Variants in GLRA3 observed in about 807,000 individuals in gnomAD.
GLRA3 encodes glycine receptor alpha 3, also known as glycine receptor subunit alpha-3.
Under a neutral mutation model 60.4 loss-of-function variants are expected in GLRA3, and 44 were observed. The observed-to-expected ratio is 0.73, with a 90% CI of 0.57 to 0.94. The LOEUF (loss-of-function observed/expected upper bound fraction) is 0.94. GLRA3 is among the 40% of genes least tolerant of loss of function. The probability of loss-of-function intolerance (pLI) is 0.00; values close to 1 mark genes in which losing one functional copy is unlikely to be tolerated. For missense variants in GLRA3, 508 were observed against 564.6 expected (o/e 0.90, Z 1.02); for synonymous variants, 223 against 192.9 (o/e 1.16, Z -1.29).
intron 2 of GLRA3, among the ~76,000 whole-genome samples, chr4:174,770,934 G>T (rs1280273718): frequency 6.6e-6 from 1 of 151,916 alleles, no homozygotes; most frequent in African/African-American, 2.4e-5. Context: ...CCTTTGTAGG[G>T]ACATGGATGA....
intron 1 of GLRA3, among the ~76,000 whole-genome samples, chr4:174,798,396 A>C (rs896479707): frequency 5.9e-5 from 9 of 152,252 alleles, no homozygotes; most frequent in Non-Finnish European, 1.0e-4. Flanking sequence ...TTGAAAAATA[A>C]GATACAGAAT....
intron 5 of GLRA3, among the ~76,000 whole-genome samples, chr4:174,688,138 T>G (rs1216230918): frequency 6.6e-6 from 1 of 151,490 alleles, no homozygotes; most frequent in African/African-American, 2.4e-5. Flanking sequence ...AAAGGAAAAT[T>G]TCAAAGTTTT....
At chr4:174,780,803 C>G (rs965849910) in intron 2 of GLRA3, among the ~76,000 whole-genome samples, 3 of 152,036 alleles carry the variant, frequency 2.0e-5, no homozygotes, top group African/African-American at 4.8e-5. Flanking sequence ...GGAGCACCCA[C>G]ATTCATAAAG....
At chr4:174,769,178 G>C (rs1048814915) in intron 2 of GLRA3, among the ~76,000 whole-genome samples, 4 of 151,598 alleles carry the variant, frequency 2.6e-5, no homozygotes, top group African/African-American at 9.7e-5. Context: ...TTTTCTTTTA[G>C]ACACATCTTC....
chr4:174,828,894 C>T lies in GLRA3; in HGVS notation c.-83G>A. ...GAAAGACAGAATGAAAATGTACAAT[C>T]TAACCCCGCATGGTGTTGGTGTAGA... On this transcript the variant is annotated 5_prime_UTR_variant, in exon 1 of 10. It removes the in-frame stop codon of an upstream open reading frame in the 5' UTR. Coordinates refer to ENST00000274093, the MANE Select transcript of GLRA3 (RefSeq NM_006529.4). 1.0e-6 allele frequency: 1 copy of T among 958,900 alleles called. No homozygotes were observed. Among genetic ancestry groups the T allele is most frequent in the East Asian group, 2.4e-5 (1 of 41,798 alleles). The allele number at this position is 958,900 out of a possible 1,614,324, so 59.4% of individuals were successfully genotyped here. A position where few individuals can be genotyped will look rare whatever the true frequency, so the allele number is the denominator to read the frequency against.
At chr4:174,812,863 C>G (rs1696719715) in intron 1 of GLRA3, among the ~76,000 whole-genome samples, 1 of 152,094 alleles carries the variant, frequency 6.6e-6, no homozygotes, top group South Asian at 2.1e-4. Flanking sequence ...TTTCTTCTAT[C>G]TATATGCCTA....
At chr4:174,689,851 A>G (rs1371162514) in intron 5 of GLRA3, among the ~76,000 whole-genome samples, 2 of 151,338 alleles carry the variant, frequency 1.3e-5, no homozygotes, top group African/African-American at 4.9e-5. Flanking sequence ...CATAGGCTCA[A>G]AGTAAAGGGA....
intron 1 of GLRA3, among the ~76,000 whole-genome samples, chr4:174,803,395 TG>T (rs993491525): frequency 4.6e-4 from 70 of 152,228 alleles, no homozygotes; most frequent in African/African-American, 1.6e-3. Flanking sequence ...CAGAATACAC[TG>T]AAAATTACTT....
At chr4:174,825,978 G>A (rs542274108) in intron 1 of GLRA3, among the ~76,000 whole-genome samples, 207 of 152,198 alleles carry the variant, frequency 1.4e-3, no homozygotes, top group Middle Eastern at 6.8e-3. Context: ...TGATATAAGT[G>A]TAAAAACATA....
At chr4:174,681,766 T>C (rs1042585352) in intron 6 of GLRA3, among the ~76,000 whole-genome samples, 2 of 152,082 alleles carry the variant, frequency 1.3e-5, no homozygotes, top group Non-Finnish European at 2.9e-5. Flanking sequence ...CTAATATACC[T>C]CCCTAAGCCA....
chr4:174,699,626 T>C (rs1204375638), intron 5 of GLRA3, among the ~76,000 whole-genome samples: 1 of 152,070 alleles, frequency 6.6e-6, no homozygotes. Flanking sequence ...TTTTCAAATG[T>C]GGTATATCTT....
intron 1 of GLRA3, among the ~76,000 whole-genome samples, chr4:174,791,381 G>T (rs1043909407): frequency 6.6e-6 from 1 of 152,134 alleles, no homozygotes; most frequent in Admixed American, 6.5e-5. Flanking sequence ...TTTTGACCCA[G>T]TGAACTGATT....
intron 4 of GLRA3, among the ~76,000 whole-genome samples, chr4:174,725,540 G>A (rs1421385270): frequency 2.6e-5 from 4 of 152,150 alleles, no homozygotes; most frequent in Non-Finnish European, 5.9e-5. Context: ...GAGTGCAGTG[G>A]TGCGATCTGG....
At chr4:174,763,018 TTTG>T (rs1199890877) in intron 3 of GLRA3, among the ~76,000 whole-genome samples, 1 of 152,168 alleles carries the variant, frequency 6.6e-6, no homozygotes, top group African/African-American at 2.4e-5. Context: ...TTCTATTGTG[TTTG>T]TTTTCTTTAG....
At chr4:174,818,816 A>C (rs1740615066) in intron 1 of GLRA3, among the ~76,000 whole-genome samples, 1 of 152,220 alleles carries the variant, frequency 6.6e-6, no homozygotes, top group Non-Finnish European at 1.5e-5. Context: ...AAAAAAAGAA[A>C]AGTCTCTTGG....
Position 174,643,119 on chromosome 4 carries a change from A to G in GLRA3, c.*667T>C. 1 of 912,552 alleles carries G rather than the reference A, an allele frequency of 1.1e-6. No homozygotes were observed. Among genetic ancestry groups the G allele is most frequent in the Non-Finnish European group, 1.3e-6 (1 of 764,522 alleles). 56.5% of individuals were successfully genotyped at this position (912,552 alleles called of 1,614,324 possible). On this transcript the variant is annotated 3_prime_UTR_variant, in exon 10 of 10. Transcript: ENST00000274093. ...GTTCCTAGAGATACAAAGTTTAAGAAAAGTAGATTGTGACTGTAACACGAT... is the reference window on the plus strand; with the variant it reads ...GTTCCTAGAGATACAAAGTTTAAGAGAAGTAGATTGTGACTGTAACACGAT...
intron 5 of GLRA3, among the ~76,000 whole-genome samples, 185 bp from the exon 6 acceptor site, chr4:174,683,124 GA>G (rs1356329371): frequency 6.6e-6 from 1 of 151,994 alleles, no homozygotes; most frequent in Non-Finnish European, 1.5e-5. Context: ...TATTCACGTG[GA>G]ACTCCCACCA....
At chr4:174,676,038 A>T (rs189403175) in intron 7 of GLRA3, among the ~76,000 whole-genome samples, 1 of 152,322 alleles carries the variant, frequency 6.6e-6, no homozygotes, top group East Asian at 1.9e-4. Context: ...GTAATAGTAA[A>T]GCTTCTTGGA....
chr4:174,668,088 C>G (rs1579414771), intron 7 of GLRA3, among the ~76,000 whole-genome samples: 1 of 152,194 alleles, frequency 6.6e-6, no homozygotes, highest in East Asian at 1.9e-4. Context: ...CAATCTTCTT[C>G]CTCCTGCTCC....
Sources: allele counts gnomAD v4.1 joint callset (sites outside exome capture counted in the v4.1 genomes callset), GRCh38; gene constraint gnomAD v4.1.1; transcripts MANE v1.5; gene names NCBI Gene and HGNC (gene_info 2026-07-23, HGNC 2026-07-21).